VPS37A: variants seen among roughly 807,000 people sequenced by gnomAD.
VPS37A encodes the protein VPS37A subunit of ESCRT-I.
A neutral mutation model predicts 49.8 loss-of-function variants in VPS37A; 30 were observed. The observed-to-expected ratio is 0.60, with a 90% CI of 0.45 to 0.82. VPS37A has a LOEUF of 0.82. VPS37A is among the 40% of genes least tolerant of loss of function. VPS37A has a pLI of 0.00. For missense variants in VPS37A, 593 were observed against 464.4 expected (o/e 1.28, Z -2.55); for synonymous variants, 195 against 160.6 (o/e 1.21, Z -1.62).
At chr8:17,315,357 G>T in the VPS37A span, among the ~76,000 whole-genome samples, 1 of 152,090 alleles carries the variant, frequency 6.6e-6, no homozygotes, top group Admixed American at 6.5e-5. Flanking sequence ...GAAATAAATA[G>T]GTGGGGCACA....
the VPS37A span, among the ~76,000 whole-genome samples, chr8:17,317,596 C>G: frequency 2.6e-5 from 4 of 152,166 alleles, no homozygotes; most frequent in East Asian, 7.7e-4. Flanking sequence ...ACCATCTTCT[C>G]TTGTGGAAGT....
chr8:17,289,246 G>GT (rs879227089), intron 11 of VPS37A, among the ~76,000 whole-genome samples: 1 of 151,980 alleles, frequency 6.6e-6, no homozygotes, highest in African/African-American at 2.4e-5. Flanking sequence ...TGTTGCCATT[G>GT]TTTTTTTGTG....
intron 1 of VPS37A, among the ~76,000 whole-genome samples, chr8:17,260,288 A>G (rs1486298859): frequency 6.6e-6 from 1 of 152,148 alleles, no homozygotes; most frequent in Non-Finnish European, 1.5e-5. Context: ...AGTTATTTCA[A>G]AGAGACAATA....
At chr8:17,323,764 C>A in the VPS37A span, among the ~76,000 whole-genome samples, 1 of 152,116 alleles carries the variant, frequency 6.6e-6, no homozygotes, top group Admixed American at 6.5e-5. Context: ...TGCCAAACCC[C>A]ACCTAGAGCC....
chr8:17,256,485 C>T (rs371855120), intron 1 of VPS37A, among the ~76,000 whole-genome samples: 1 of 151,490 alleles, frequency 6.6e-6, no homozygotes, highest in Non-Finnish European at 1.5e-5. Flanking sequence ...GTTTAAATCA[C>T]ATTATTTGTT....
intron 1 of VPS37A, 92 bp from the exon 2 acceptor site, chr8:17,265,815 G>T (rs1813397171): frequency 6.3e-7 from 1 of 1,597,300 alleles, no homozygotes; most frequent in East Asian, 2.3e-5. Flanking sequence ...TAAAAATAAA[G>T]GTAGTTTTAG....
downstream of VPS37A, chr8:17,304,463 T>G: frequency 6.2e-7 from 1 of 1,614,094 alleles, no homozygotes; most frequent in Non-Finnish European, 8.5e-7. Context: ...AGGATTCAGG[T>G]AGTCGGCCCG....
chr8:17,254,655 C>T (rs1812273466), intron 1 of VPS37A, among the ~76,000 whole-genome samples: 1 of 151,410 alleles, frequency 6.6e-6, no homozygotes, highest in South Asian at 2.1e-4. Flanking sequence ...ATGTTCACTC[C>T]TTTCTTACAT....
the VPS37A span, among the ~76,000 whole-genome samples, chr8:17,315,904 T>C: frequency 1.3e-5 from 2 of 152,206 alleles, no homozygotes; most frequent in Non-Finnish European, 1.5e-5. Flanking sequence ...TCCCAGCTAC[T>C]TGGGAGGCTG....
intron 5 of VPS37A, among the ~76,000 whole-genome samples, chr8:17,276,033 C>A (rs776460715): frequency 4.6e-5 from 7 of 152,128 alleles, no homozygotes; most frequent in Non-Finnish European, 1.0e-4. Context: ...TGTAACTATT[C>A]AGACTGTTGA....
intron 11 of VPS37A, among the ~76,000 whole-genome samples, chr8:17,291,981 A>G (rs1396412244): frequency 3.3e-5 from 5 of 152,198 alleles, no homozygotes; most frequent in East Asian, 3.9e-4. Flanking sequence ...GTAGATGTCT[A>G]TTAGTTCCGT....
intron 11 of VPS37A, among the ~76,000 whole-genome samples, chr8:17,289,885 G>C (rs571592020): frequency 7.2e-5 from 11 of 152,272 alleles, no homozygotes; most frequent in Non-Finnish European, 1.5e-4. Context: ...TCCTTGAGCA[G>C]TGGTTTGTAG....
intron 1 of VPS37A, chr8:17,265,634 A>G: frequency 4.8e-6 from 3 of 623,034 alleles, no homozygotes; most frequent in Middle Eastern, 4.7e-4. Context: ...GAGTGATAGT[A>G]AAACAGTGTA....
In VPS37A at chr8:17,246,974, C is replaced by A. The variant is rs370749559; in HGVS notation, c.-271C>A. The A allele has an allele frequency of 2.9e-5, 14 of 476,288 alleles. No homozygotes were observed. Among genetic ancestry groups the A allele is most frequent in the Non-Finnish European group, 4.1e-5 (11 of 265,754 alleles). The allele number at this position is 476,288 out of a possible 1,614,324, so 29.5% of individuals were successfully genotyped here. A position where few individuals can be genotyped will look rare whatever the true frequency, so the allele number is the denominator to read the frequency against. On this transcript the variant is annotated 5_prime_UTR_variant, in exon 1 of 12. Coordinates refer to ENST00000324849, the MANE Select transcript of VPS37A (RefSeq NM_152415.3). The stretch of plus-strand genomic sequence containing the variant: ...TGGTGGAGCGCTGGGCGGCCAGGCT[C>A]CCTGGCTGGCCGGTTTGGGCGTCTG...
the VPS37A span, among the ~76,000 whole-genome samples, chr8:17,312,147 ATATC>A: frequency 6.6e-6 from 1 of 152,268 alleles, no homozygotes; most frequent in East Asian, 1.9e-4. Context: ...TAAGAAAAGA[ATATC>A]TATTTGCTAT....
chr8:17,269,754 C>G (rs1813804133), intron 4 of VPS37A, among the ~76,000 whole-genome samples: 2 of 152,140 alleles, frequency 1.3e-5, no homozygotes, highest in South Asian at 2.1e-4. Flanking sequence ...TTTCATTTTT[C>G]CCTTTCTCAG....
chr8:17,295,490 C>CCAAA lies in VPS37A; in HGVS notation c.*506_*509dup, dbSNP rs1816553334. 6.6e-6 allele frequency: 1 copy of CCAAA among 152,542 alleles called. No homozygotes were observed. Among genetic ancestry groups the CCAAA allele is most frequent in the Admixed American group, 6.5e-5 (1 of 15,270 alleles). 9.4% of individuals were successfully genotyped at this position (152,542 alleles called of 1,614,324 possible). A position where few individuals can be genotyped will look rare whatever the true frequency, so the allele number is the denominator to read the frequency against. On this transcript the variant is annotated 3_prime_UTR_variant, in exon 12 of 12. Coordinates refer to ENST00000324849, the MANE Select transcript of VPS37A (RefSeq NM_152415.3). Reference sequence around the variant, plus strand: ...AAGATATTCATAGTGTTAGGAAACACCAAACCTGCCTATGTGCCATCTCAC... The same window carrying CCAAA: ...AAGATATTCATAGTGTTAGGAAACACCAAACAAACCTGCCTATGTGCCATCTCAC...
At chr8:17,273,107 C>A (rs1298023516) in intron 4 of VPS37A, among the ~76,000 whole-genome samples, 1 of 135,928 alleles carries the variant, frequency 7.4e-6, no homozygotes, top group African/African-American at 2.8e-5. Context: ...AGTACTAAGG[C>A]ACTTCCTCAT....
chr8:17,330,698 G>T, the VPS37A span, among the ~76,000 whole-genome samples: 12 of 152,308 alleles, frequency 7.9e-5, no homozygotes, highest in African/African-American at 2.9e-4. Flanking sequence ...GTGTATTGTG[G>T]TGGCTGCTGT....
Sources: allele counts gnomAD v4.1 joint callset (sites outside exome capture counted in the v4.1 genomes callset), GRCh38; gene constraint gnomAD v4.1.1; transcripts MANE v1.5; gene names NCBI Gene and HGNC (gene_info 2026-07-23, HGNC 2026-07-21).